SEC14L1: variants seen among roughly 807,000 people sequenced by gnomAD.
SEC14L1 encodes the protein SEC14-like protein 1.
SEC14L1 carries 48 observed loss-of-function variants against 85.3 expected under a neutral mutation model. The observed-to-expected ratio is 0.56, with a 90% CI of 0.45 to 0.72. SEC14L1 has a LOEUF of 0.72. Ranked by LOEUF, SEC14L1 falls within the 30% of genes least tolerant of loss-of-function variation. The probability of loss-of-function intolerance (pLI) is 0.00; values close to 1 mark genes in which losing one functional copy is unlikely to be tolerated. For missense variants in SEC14L1, 682 were observed against 921.4 expected (o/e 0.74, Z 3.36); for synonymous variants, 391 against 355.5 (o/e 1.10, Z -1.12).
chr17:77,190,131 A>T (rs564275706), intron 3 of SEC14L1, among the ~76,000 whole-genome samples: 1 of 151,844 alleles, frequency 6.6e-6, no homozygotes, highest in African/African-American at 2.4e-5. Context: ...GTTAATTTTT[A>T]TACAAGGTGT....
intron 3 of SEC14L1, among the ~76,000 whole-genome samples, chr17:77,149,964 C>G (rs912009352): frequency 1.3e-5 from 2 of 151,762 alleles, no homozygotes; most frequent in Non-Finnish European, 2.9e-5. Context: ...ACCAAAAAAC[C>G]TGCTTACCAG....
At chr17:77,109,323 C>T (rs145087987) in intron 3 of SEC14L1, among the ~76,000 whole-genome samples, 19 of 152,218 alleles carry the variant, frequency 1.2e-4, no homozygotes, top group African/African-American at 4.6e-4. Flanking sequence ...AGGCTGGTCT[C>T]AAACTCCCAG....
intron 2 of SEC14L1, chr17:77,089,567 C>A (rs1971456616): frequency 8.5e-6 from 4 of 468,522 alleles, no homozygotes; most frequent in Non-Finnish European, 1.7e-5. Flanking sequence ...AACAATGTTA[C>A]TGTCATGTCT....
chr17:77,182,571 GGATACATCAAAGAACC>G (rs1975085670), intron 3 of SEC14L1, among the ~76,000 whole-genome samples: 1 of 152,164 alleles, frequency 6.6e-6, no homozygotes, highest in South Asian at 2.1e-4. Flanking sequence ...CCTTTAAAAA[GGATACATCAAAGAACC>G]TTTCTCCCTC....
At position 77,213,762 on chromosome 17, in the gene SEC14L1, G is replaced by C; in HGVS notation, c.2043-156G>C. On this transcript the variant is annotated intron_variant, in intron 16 of 16. Coordinates refer to ENST00000436233, the MANE Select transcript of SEC14L1 (RefSeq NM_001143998.2). This position sits in a 1 kb window ranked among gnomAD's most constrained non-coding sequence, Gnocchi z 7.1. ...CAGGCTGTGGGAAGCCGGTCCCCCTGGTGGGTTACTCATGTCCATCCCCCG... is the reference window on the plus strand; with the variant it reads ...CAGGCTGTGGGAAGCCGGTCCCCCTCGTGGGTTACTCATGTCCATCCCCCG... 1 of 1,009,124 alleles carries C rather than the reference G, an allele frequency of 9.9e-7. No homozygotes were observed. The highest frequency in any genetic ancestry group is 1.3e-5 in the South Asian group (1 of 74,902). The allele number at this position is 1,009,124 out of a possible 1,614,324, so 62.5% of individuals were successfully genotyped here. A position where few individuals can be genotyped will look rare whatever the true frequency, so the allele number is the denominator to read the frequency against.
chr17:77,138,327 T>TAGGA (rs1972853559), upstream of SEC14L1, among the ~76,000 whole-genome samples: 1 of 152,024 alleles, frequency 6.6e-6, no homozygotes, highest in African/African-American at 2.4e-5. Context: ...CCCAGGCAAG[T>TAGGA]AGGAGGTTGG....
chr17:77,165,596 A>G (rs1463149173), intron 3 of SEC14L1, among the ~76,000 whole-genome samples: 1 of 151,998 alleles, frequency 6.6e-6, no homozygotes, highest in Non-Finnish European at 1.5e-5. Flanking sequence ...GGGCCCCAAG[A>G]TTGATTTTCC....
chr17:77,204,454 A>G (rs1976354901), intron 10 of SEC14L1, among the ~76,000 whole-genome samples: 1 of 147,954 alleles, frequency 6.8e-6, no homozygotes. Flanking sequence ...TCCTGATCTC[A>G]GGTGATCCTC....
intron 3 of SEC14L1, among the ~76,000 whole-genome samples, chr17:77,164,482 C>T (rs1442412060): frequency 1.3e-5 from 2 of 152,184 alleles, no homozygotes; most frequent in Admixed American, 6.5e-5. Context: ...TTTTTCCCAG[C>T]GCTCCCCCTT....
intron 3 of SEC14L1, chr17:77,181,139 T>TA (rs756199489): frequency 6.6e-6 from 1 of 152,206 alleles, no homozygotes; most frequent in Non-Finnish European, 1.5e-5. Context: ...GAAACTGATG[T>TA]TCTATAAGTA....
chr17:77,137,388 C>T (rs1318450308), upstream of SEC14L1, among the ~76,000 whole-genome samples: 4 of 152,100 alleles, frequency 2.6e-5, no homozygotes, highest in Admixed American at 6.5e-5. Context: ...TGAAAGCAGG[C>T]AGAAGCTCCA....
At chr17:77,205,410 G>C (rs1456220354) in intron 11 of SEC14L1, 64 bp downstream of exon 11, 2 of 1,417,852 alleles carry the variant, frequency 1.4e-6, no homozygotes, top group African/African-American at 2.8e-5. Context: ...ATTTCTAGTT[G>C]ATTTTTGGAA....
chr17:77,209,848 CTTTTTT>C (rs71160210), intron 14 of SEC14L1: 1 of 157,392 alleles, frequency 6.4e-6, no homozygotes, highest in Non-Finnish European at 1.4e-5. Flanking sequence ...GCTACTTTTT[CTTTTTT>C]TTTTTCTAGA....
chr17:77,145,922 G>C (rs1433011582), intron 3 of SEC14L1, among the ~76,000 whole-genome samples: 1 of 152,184 alleles, frequency 6.6e-6, no homozygotes, highest in African/African-American at 2.4e-5. Flanking sequence ...GCTTCAGCTC[G>C]AGGACGTGCT....
At chr17:77,107,721 A>G (rs1259458592) in intron 3 of SEC14L1, among the ~76,000 whole-genome samples, 2 of 152,136 alleles carry the variant, frequency 1.3e-5, no homozygotes, top group African/African-American at 4.8e-5. Context: ...CTTTCTTGCA[A>G]CAACAGCAAA....
chr17:77,206,150 A>G lies in SEC14L1; in HGVS notation c.1170-79A>G. 6.9e-7 allele frequency: 1 copy of G among 1,444,528 alleles called. No homozygotes were observed. Among genetic ancestry groups the G allele is most frequent in the East Asian group, 2.3e-5 (1 of 43,570 alleles). 89.5% of individuals were successfully genotyped at this position (1,444,528 alleles called of 1,614,324 possible). A position where few individuals can be genotyped will look rare whatever the true frequency, so the allele number is the denominator to read the frequency against. ...ATGTATTTGGAAATAGCTATAAATG[A>G]CCAAAAAGGAAGAAAATAAGACACA... On this transcript the variant is annotated intron_variant, in intron 11 of 16. Coordinates refer to ENST00000436233, the MANE Select transcript of SEC14L1 (RefSeq NM_001143998.2). The surrounding 1 kb of genome is among the most constrained non-coding windows in gnomAD (Gnocchi z 4.3).
chr17:77,199,265 A>G lies in SEC14L1; in HGVS notation c.820-1219A>G, dbSNP rs189372139. ...GCAATCCACCTGCCTTGGCCTCCCA[A>G]AGTGCTGGGATTACAGGCCTGAGCC... On this transcript the variant is annotated intron_variant, in intron 8 of 16. Coordinates refer to ENST00000436233, the MANE Select transcript of SEC14L1 (RefSeq NM_001143998.2). 6.4e-3 allele frequency: 980 copies of G among 153,980 alleles called. 2 individuals are homozygous for G. Among genetic ancestry groups the G allele is most frequent in the Non-Finnish European group, 0.011 (758 of 69,404 alleles). 9.5% of individuals were successfully genotyped at this position (153,980 alleles called of 1,614,324 possible). A position where few individuals can be genotyped will look rare whatever the true frequency, so the allele number is the denominator to read the frequency against.
intron 3 of SEC14L1, among the ~76,000 whole-genome samples, chr17:77,175,197 C>A (rs1224388968): frequency 2.0e-5 from 3 of 152,158 alleles, no homozygotes; most frequent in Non-Finnish European, 4.4e-5. Flanking sequence ...AAGAGGAATT[C>A]ATCATCTCTG....
intron 3 of SEC14L1, among the ~76,000 whole-genome samples, chr17:77,171,471 C>T (rs557331967): frequency 6.6e-6 from 1 of 152,198 alleles, no homozygotes; most frequent in Non-Finnish European, 1.5e-5. Flanking sequence ...CAAGATTATT[C>T]CCTCAGCTTC....
Sources: gnomAD v4.1 joint callset for allele counts (sites outside exome capture counted in the v4.1 genomes callset) on GRCh38, gnomAD v4.1.1 for gene constraint, Gnocchi (gnomAD v3.1) non-coding constraint, MANE v1.5 for transcripts, NCBI Gene and HGNC (gene_info 2026-07-23, HGNC 2026-07-21) for gene names.